The following POLG variants were observed in gnomAD, a reference collection of about 807,000 sequenced individuals.
POLG encodes the protein DNA polymerase subunit gamma-1.
Under a neutral mutation model 155.4 loss-of-function variants are expected in POLG, and 110 were observed. The ratio of observed to expected loss-of-function variants is 0.71; its 90% CI spans 0.61 to 0.83. The LOEUF (loss-of-function observed/expected upper bound fraction) is 0.83, where lower values mean the gene tolerates loss of function less well. Ranked by LOEUF, POLG falls within the 40% of genes least tolerant of loss-of-function variation. The probability of loss-of-function intolerance (pLI) is 0.00; values close to 1 mark genes in which losing one functional copy is unlikely to be tolerated. For synonymous variants in POLG, 701 were observed against 631.5 expected (o/e 1.11, Z -1.65); for missense variants, 1,685 against 1,627.5 (o/e 1.04, Z -0.61).
At chr15:89,318,466 C>G (rs1477303104) in intron 21 of POLG, 75 bp downstream of exon 21, 1 of 1,227,626 alleles carries the variant, frequency 8.1e-7, no homozygotes, top group East Asian at 2.3e-5. Context: ...ACTGACCAGT[C>G]TGGCCCAAGG....
chr15:89,325,273 A>AGTGAGAGAGTGAGT lies in POLG; in HGVS notation c.1949+176_1949+177insACTCACTCTCTCAC, dbSNP rs1485600560. On this transcript the variant is annotated intron_variant, in intron 10 of 22. Coordinates refer to ENST00000268124, the MANE Select transcript of POLG (RefSeq NM_002693.3). ...GAGAGAGAGAGTGAGTGAGTGAGTG[A>AGTGAGAGAGTGAGT]GAGAGAGAGAAAGAGAGAGAGAGAG... Among the ~76,000 whole-genome samples the AGTGAGAGAGTGAGT allele has an allele frequency of 1.9e-5, 2 of 107,508 alleles. 1 individual carries two copies. The highest frequency in any genetic ancestry group is 9.3e-5 in the African/African-American group (2 of 21,544). The allele number at this position is 107,508 out of a possible 152,430, so 70.5% of individuals were successfully genotyped here.
At chr15:89,326,802 C>G in intron 8 of POLG, 64 bp from the exon 9 acceptor site, 1 of 1,611,678 alleles carries the variant, frequency 6.2e-7, no homozygotes, top group South Asian at 1.1e-5. Flanking sequence ...TCTGCTCCCA[C>G]CCGCTCATCT....
chr15:89,324,514 G>C (rs545824955), intron 10 of POLG, among the ~76,000 whole-genome samples: 1 of 152,214 alleles, frequency 6.6e-6, no homozygotes, highest in Non-Finnish European at 1.5e-5. Context: ...GCACAGCAGC[G>C]GGAGGACAGG....
Position 89,322,721 on chromosome 15 carries a change from ACTC to A in POLG, c.2426+18_2426+20del, listed in dbSNP as rs762804032. 2 of 1,611,820 alleles carry A rather than the reference ACTC, an allele frequency of 1.2e-6. No individual in the cohort carries two copies. Among genetic ancestry groups the A allele is most frequent in the Non-Finnish European group, 1.7e-6 (2 of 1,178,750 alleles). Reference sequence around the variant, plus strand: ...GAAGAGAGGGGAAAGGCATCCCAGGACTCCTCCCATGGTGGCCCACCTGATACG... The same window carrying A: ...GAAGAGAGGGGAAAGGCATCCCAGGACTCCCATGGTGGCCCACCTGATACG... On this transcript the variant is annotated intron_variant, in intron 14 of 22. Transcript: ENST00000268124.
chr15:89,316,551 T>C lies in POLG; in HGVS notation c.*200A>G, dbSNP rs3176247. ...CCCCTTGTCCTGTAGTCCACACCGA[T>C]GTTGGCATCTTGGTTCTGAACCCAC... On this transcript the variant is annotated 3_prime_UTR_variant, in exon 23 of 23. Coordinates refer to ENST00000268124, the MANE Select transcript of POLG (RefSeq NM_002693.3). 2.0e-4 allele frequency: 274 copies of C among 1,342,692 alleles called. 1 individual carries two copies. The African/African-American group carries it at 3.5e-3, about 17-fold the overall frequency. 83.2% of individuals were successfully genotyped at this position (1,342,692 alleles called of 1,614,324 possible). A position where few individuals can be genotyped will look rare whatever the true frequency, so the allele number is the denominator to read the frequency against.
In POLG at chr15:89,324,193, C is replaced by A; in HGVS notation, c.1984G>T (p.Glu662Ter). 2 of 1,613,554 alleles carry A rather than the reference C, an allele frequency of 1.2e-6. No homozygotes were observed. Among genetic ancestry groups the A allele is most frequent in the South Asian group, 1.1e-5 (1 of 91,082 alleles). The change falls in exon 11 of 23, where the codon GAA becomes TAA. Residue 662 changes from glutamate to a stop codon, truncating the protein, a stop_gained. Coordinates refer to ENST00000268124, the MANE Select transcript of POLG (RefSeq NM_002693.3). LOFTEE classifies it high-confidence loss of function. ...IESLYRKHCL[E>*]QGKQQLMPQE... is the part of the protein sequence containing the mutation. ...GGCATCAGCTGCTGCTTCCCCTGTT[C>A]GAGACAGTGCTTCCTGTACAGGGAC...
chr15:89,324,911 C>A (rs988787732), intron 10 of POLG, among the ~76,000 whole-genome samples: 22 of 152,200 alleles, frequency 1.4e-4, no homozygotes, highest in Non-Finnish European at 3.2e-4. Context: ...GTGAAGGCAG[C>A]TATGCTTCTG....
In POLG at chr15:89,325,037, A is replaced by AGAGTGAGTGAGTGAGAGAGAGAGT. The variant is rs2055452833; in HGVS notation, c.1949+412_1949+413insACTCTCTCTCTCACTCACTCACTC. On this transcript the variant is annotated intron_variant, in intron 10 of 22. Transcript: ENST00000268124. ...CATGGAAGAAAAAACCTGAACCCAGAGAGTGAGTGAGTGAGTGAGAGAGTG... is the reference window on the plus strand; with the variant it reads ...CATGGAAGAAAAAACCTGAACCCAGAGAGTGAGTGAGTGAGAGAGAGAGTGAGTGAGTGAGTGAGTGAGAGAGTG... 4.2e-5 allele frequency among the ~76,000 whole-genome samples: 3 copies of AGAGTGAGTGAGTGAGAGAGAGAGT among 70,794 alleles called. 1 individual carries two copies. Among genetic ancestry groups the AGAGTGAGTGAGTGAGAGAGAGAGT allele is most frequent in the African/African-American group, 1.7e-4 (3 of 18,006 alleles). The allele number at this position is 70,794 out of a possible 152,430, so 46.4% of individuals were successfully genotyped here.
rs1252604834 is a variant in POLG at position 89,326,968 on chromosome 15, G to A, written c.1529C>T (p.Ala510Val). 2.5e-6 allele frequency: 4 copies of A among 1,614,072 alleles called. No individual in the cohort carries two copies. The highest frequency in any genetic ancestry group is 2.7e-5 in the African/African-American group (2 of 74,932). The change falls in exon 8 of 23, where the codon GCC (alanine) becomes GTC (valine). Residue 510 changes from alanine to valine, a missense_variant. By Grantham distance (64) the Ala-to-Val change is moderately conservative. Around this residue, in one of 3 missense-constraint regions of POLG, gnomAD observed 1,210 missense variants for 1,167.1 expected, o/e 1.04. Coordinates refer to ENST00000268124, the MANE Select transcript of POLG (RefSeq NM_002693.3). ...AKKVKKEPAT[A>V]SKLPIEGAGA... is the part of the protein sequence containing the mutation. ...AGCCCCCTCGATGGGCAACTTGCTG[G>A]CTGTGGCTGGTTCCTTCTTCACCTT... is the stretch of plus-strand genomic sequence containing the variant.
intron 10 of POLG, among the ~76,000 whole-genome samples, chr15:89,325,111 AGAGTGAGTGAGTGAGTGAGAGAGTGAGT>A (rs2055470735): frequency 1.1e-4 from 4 of 36,912 alleles, no homozygotes; most frequent in African/African-American, 8.5e-4. Flanking sequence ...AGAGTGAGAG[AGAGTGAGTGAGTGAGTGAGAGAGTGAGT>A]GAGAGAGTGA....
chr15:89,330,293 G>A lies in POLG; in HGVS notation c.660-17C>T. Reference sequence around the variant, plus strand: ...CAGGAATACCTGAGGGAGGTGAGAGGCAGGCAGGTTCACCATGGAGACATT... The same window carrying A: ...CAGGAATACCTGAGGGAGGTGAGAGACAGGCAGGTTCACCATGGAGACATT... On this transcript the variant is annotated splice_polypyrimidine_tract_variant and intron_variant, in intron 2 of 22. Transcript: ENST00000268124. 6.3e-7 allele frequency: 1 copy of A among 1,599,910 alleles called. No homozygotes were observed.
chr15:89,325,147 T>TGAGAGA (rs1567189549), intron 10 of POLG, among the ~76,000 whole-genome samples: 1 of 20,716 alleles, frequency 4.8e-5, no homozygotes, highest in South Asian at 2.2e-3. Context: ...AGTGAGAGAG[T>TGAGAGA]GAGTGAGTGA....
chr15:89,322,316 C>T (rs2055408169), intron 14 of POLG, among the ~76,000 whole-genome samples: 1 of 152,202 alleles, frequency 6.6e-6, no homozygotes, highest in African/African-American at 2.4e-5. Flanking sequence ...GCAGACTTCA[C>T]CATCCCAACA....
chr15:89,325,104 G>GAA (rs1491481163), intron 10 of POLG, among the ~76,000 whole-genome samples: 1 of 76,806 alleles, frequency 1.3e-5, no homozygotes, highest in Non-Finnish European at 2.4e-5. Flanking sequence ...GAGTGAGAGA[G>GAA]TGAGAGAGAG....
In POLG at chr15:89,316,574, C is replaced by G. The variant is rs1237081560; in HGVS notation, c.*177G>C. On this transcript the variant is annotated 3_prime_UTR_variant, in exon 23 of 23. Coordinates refer to ENST00000268124, the MANE Select transcript of POLG (RefSeq NM_002693.3). ...GATGTTGGCATCTTGGTTCTGAACC[C>G]ACTGAATTCAACTGCACCTTCAGTT... is the stretch of plus-strand genomic sequence containing the variant. 9 of 1,195,836 alleles carry G rather than the reference C, an allele frequency of 7.5e-6. No individual in the cohort carries two copies. Among genetic ancestry groups the G allele is most frequent in the Non-Finnish European group, 1.1e-5 (9 of 820,050 alleles). The allele number at this position is 1,195,836 out of a possible 1,614,324, so 74.1% of individuals were successfully genotyped here.
chr15:89,328,625 C>A, intron 5 of POLG, 60 bp downstream of exon 5: 1 of 1,607,442 alleles, frequency 6.2e-7, no homozygotes, highest in South Asian at 1.1e-5. Flanking sequence ...CTGCATCTCC[C>A]CAAGTGCAGC....
chr15:89,332,632 C>T (rs1433980183), intron 2 of POLG, among the ~76,000 whole-genome samples: 1 of 150,748 alleles, frequency 6.6e-6, no homozygotes, highest in East Asian at 2.0e-4. Flanking sequence ...GTTGGTCTGG[C>T]GTTTATGGGA....
chr15:89,318,819 C>G (rs545019049), intron 20 of POLG, 70 bp from the exon 21 acceptor site: 1 of 1,556,230 alleles, frequency 6.4e-7, no homozygotes, highest in Non-Finnish European at 8.8e-7. Context: ...GGTAGAAGCC[C>G]CAAGAGAAGC....
chr15:89,322,227 G>A (rs2055406686), intron 14 of POLG, among the ~76,000 whole-genome samples: 1 of 152,198 alleles, frequency 6.6e-6, no homozygotes, highest in Non-Finnish European at 1.5e-5. Flanking sequence ...AACCGGCCAG[G>A]CCTCCGAGCG....
Sources: gnomAD v4.1 joint callset for allele counts (sites outside exome capture counted in the v4.1 genomes callset) on GRCh38, gnomAD v4.1.1 for gene constraint, gnomAD v4.1.1 regional missense constraint, MANE v1.5 for transcripts, NCBI Gene and HGNC (gene_info 2026-07-23, HGNC 2026-07-21) for gene names.